The following DCHS2 variants were observed in gnomAD, a reference collection of about 807,000 sequenced individuals.
DCHS2 encodes the protein dachsous cadherin-related 2.
A neutral mutation model predicts 182.4 loss-of-function variants in DCHS2; 142 were observed. That is an observed-to-expected ratio of 0.78 (90% CI 0.68 to 0.89). The LOEUF (loss-of-function observed/expected upper bound fraction) is 0.89. DCHS2 is among the 40% of genes least tolerant of loss of function. The pLI is 0.00. For missense variants in DCHS2, 4,319 were observed against 4,198.6 expected (o/e 1.03, Z -0.79); for synonymous variants, 1,740 against 1,663.3 (o/e 1.05, Z -1.12).
chr4:154,257,947 C>G (rs892952182), intron 15 of DCHS2, among the ~76,000 whole-genome samples: 4 of 152,184 alleles, frequency 2.6e-5, no homozygotes, highest in Non-Finnish European at 5.9e-5. Flanking sequence ...TCACACTGAG[C>G]AATTTAGCTC....
At chr4:154,365,448 A>G (rs980311470) in intron 3 of DCHS2, among the ~76,000 whole-genome samples, 1 of 152,112 alleles carries the variant, frequency 6.6e-6, no homozygotes, top group Non-Finnish European at 1.5e-5. Flanking sequence ...AAAACTTTGC[A>G]ACATAGATAT....
chr4:154,486,530 A>G (rs571782223), intron 1 of DCHS2: 2 of 1,303,772 alleles, frequency 1.5e-6, no homozygotes, highest in Non-Finnish European at 2.0e-6. Flanking sequence ...GCTGTAAAAG[A>G]GGAAAACTTG....
At chr4:154,342,388 G>T (rs1308355207) in intron 3 of DCHS2, among the ~76,000 whole-genome samples, 8 of 152,238 alleles carry the variant, frequency 5.3e-5, no homozygotes. Flanking sequence ...TTGCCACATT[G>T]ATTGACTCTT....
chr4:154,346,777 C>T (rs933968323), intron 3 of DCHS2, among the ~76,000 whole-genome samples: 10 of 151,954 alleles, frequency 6.6e-5, no homozygotes, highest in South Asian at 6.2e-4. Flanking sequence ...AGATACCCAT[C>T]GAAAAGTCTA....
chr4:154,278,538 T>A (rs1733975745), intron 13 of DCHS2, among the ~76,000 whole-genome samples: 1 of 151,616 alleles, frequency 6.6e-6, no homozygotes, highest in African/African-American at 2.4e-5. Context: ...GGACTATACA[T>A]AGGATAAATC....
Position 154,322,392 on chromosome 4 carries a change from C to A in DCHS2, c.4115G>T (p.Ser1372Ile), listed in dbSNP as rs753350679. ...CACTCCCTGGTCAGTGGCAATGACA[C>A]TCATTCTGTAGGAAGGTCTATAATC... ...SYDYRPSYRM[S>I]VIATDQGVPP... Residue 1372 changes from serine to isoleucine, a missense_variant, in exon 8 of 20, where the codon AGT (serine) becomes ATT (isoleucine). Coordinates refer to ENST00000357232, the MANE Select transcript of DCHS2 (RefSeq NM_001358235.2). 16 of 1,613,670 alleles carry A rather than the reference C, an allele frequency of 9.9e-6. No homozygotes were observed. The highest frequency in any genetic ancestry group is 1.3e-5 in the Non-Finnish European group (15 of 1,179,838).
intron 15 of DCHS2, among the ~76,000 whole-genome samples, chr4:154,258,749 T>C (rs1375316207): frequency 6.6e-6 from 1 of 152,058 alleles, no homozygotes; most frequent in Non-Finnish European, 1.5e-5. Context: ...TATGCTAGCA[T>C]GCCATGTAAA....
intron 1 of DCHS2, among the ~76,000 whole-genome samples, chr4:154,446,281 T>A (rs1734281522): frequency 6.6e-6 from 1 of 152,172 alleles, no homozygotes; most frequent in South Asian, 2.1e-4. Flanking sequence ...AATCAATACA[T>A]CCTTGAGAGT....
intron 13 of DCHS2, among the ~76,000 whole-genome samples, chr4:154,276,936 T>C (rs1354049980): frequency 6.6e-6 from 1 of 152,170 alleles, no homozygotes; most frequent in Non-Finnish European, 1.5e-5. Flanking sequence ...TTTGATATTA[T>C]GAAAATATTA....
At chr4:154,477,466 A>G (rs1232784526) in intron 1 of DCHS2, among the ~76,000 whole-genome samples, 1 of 152,218 alleles carries the variant, frequency 6.6e-6, no homozygotes, top group East Asian at 1.9e-4. Context: ...TTTGAAATAC[A>G]GAGGACTGGG....
intron 14 of DCHS2, among the ~76,000 whole-genome samples, chr4:154,268,786 A>C (rs1284594337): frequency 6.6e-6 from 1 of 152,212 alleles, no homozygotes; most frequent in Non-Finnish European, 1.5e-5. Context: ...TAATCAAAAA[A>C]TAAAGATGTT....
At chr4:154,366,960 C>T (rs975089080) in intron 2 of DCHS2, among the ~76,000 whole-genome samples, 7 of 152,102 alleles carry the variant, frequency 4.6e-5, no homozygotes, top group African/African-American at 1.7e-4. Context: ...CCTGGTGAAG[C>T]CTTCACTAGG....
intron 1 of DCHS2, among the ~76,000 whole-genome samples, chr4:154,415,046 T>C (rs1732780000): frequency 6.6e-6 from 1 of 152,206 alleles, no homozygotes; most frequent in Non-Finnish European, 1.5e-5. Flanking sequence ...CTGTCCTCTT[T>C]AGCAGCTGTT....
intron 13 of DCHS2, among the ~76,000 whole-genome samples, chr4:154,297,482 C>G (rs1175258206): frequency 2.0e-5 from 3 of 151,978 alleles, no homozygotes; most frequent in Non-Finnish European, 4.4e-5. Context: ...AAGATAAAAG[C>G]TAAATTTAAT....
chr4:154,383,366 A>G (rs1731257033), intron 1 of DCHS2, among the ~76,000 whole-genome samples: 3 of 152,162 alleles, frequency 2.0e-5, no homozygotes, highest in African/African-American at 7.2e-5. Flanking sequence ...ATTGGTTGCA[A>G]TGCTCATTGC....
In DCHS2 at chr4:154,280,771, A is replaced by G. The variant is rs148758299; in HGVS notation, c.6464-10758T>C. Among the ~76,000 whole-genome samples, 780 of 152,206 alleles carry G rather than the reference A, an allele frequency of 5.1e-3. 5 individuals carry two copies. The highest frequency in any genetic ancestry group is 0.018 in the African/African-American group (737 of 41,558). ...TCCCACAGCTAACACAACACTCAAC[A>G]GTGAAAAACCAAAAGCATTTATGCT... is the stretch of plus-strand genomic sequence containing the variant. On this transcript the variant is annotated intron_variant, in intron 13 of 19. Coordinates refer to ENST00000357232, the MANE Select transcript of DCHS2 (RefSeq NM_001358235.2).
chr4:154,367,058 C>A (rs1227543149), intron 2 of DCHS2, among the ~76,000 whole-genome samples: 3 of 152,138 alleles, frequency 2.0e-5, no homozygotes, highest in Non-Finnish European at 2.9e-5. Context: ...GAGGAAAGAG[C>A]AGAGCCAAAG....
intron 7 of DCHS2, chr4:154,322,999 C>T: frequency 2.0e-6 from 1 of 500,380 alleles, no homozygotes; most frequent in African/African-American, 1.9e-5. Context: ...CTTTATTTTT[C>T]TTGTTTACAT....
intron 4 of DCHS2, chr4:154,334,662 C>A: frequency 3.7e-6 from 2 of 539,140 alleles, no homozygotes; most frequent in South Asian, 2.7e-5. Context: ...TTTAAAATGC[C>A]TATTATTTTT....
Sources: gnomAD v4.1 joint callset for allele counts (sites outside exome capture counted in the v4.1 genomes callset) on GRCh38, gnomAD v4.1.1 for gene constraint, MANE v1.5 for transcripts, NCBI Gene and HGNC (gene_info 2026-07-23, HGNC 2026-07-21) for gene names.